The following LPIN1 variants were observed in gnomAD, a reference collection of about 807,000 sequenced individuals.
LPIN1 encodes the protein lipin 1.
Under a neutral mutation model 107.5 loss-of-function variants are expected in LPIN1, and 71 were observed. The observed-to-expected ratio is 0.66, with a 90% CI of 0.55 to 0.80. LPIN1 has a LOEUF of 0.80. LPIN1 is among the 30% of genes least tolerant of loss of function. The pLI, the probability that LPIN1 is intolerant of heterozygous loss-of-function variation, is 0.00. For missense variants in LPIN1, 1,043 were observed against 1,160.6 expected (o/e 0.90, Z 1.47); for synonymous variants, 445 against 452.6 (o/e 0.98, Z 0.21).
intron 1 of LPIN1, among the ~76,000 whole-genome samples, chr2:11,713,190 GAGAC>G (rs1663517748): frequency 6.6e-6 from 1 of 152,246 alleles, no homozygotes; most frequent in Non-Finnish European, 1.5e-5. Context: ...AAGAGTCAGA[GAGAC>G]AGGGAGTTTC....
chr2:11,822,106 C>T (rs1233977228), intron 20 of LPIN1, among the ~76,000 whole-genome samples: 3 of 151,940 alleles, frequency 2.0e-5, no homozygotes, highest in Non-Finnish European at 4.4e-5. Context: ...TTAATAAAGA[C>T]ATGGACCCAA....
Position 11,785,004 on chromosome 2 carries a change from G to A in LPIN1, c.1477G>A (p.Gly493Arg), listed in dbSNP as rs1330768960. The change falls in exon 10 of 21, where the codon GGG (glycine) becomes AGG (arginine). Residue 493 changes from glycine (G) to arginine (R), a missense_variant. Physicochemically the swap from Gly to Arg is moderately radical, Grantham distance 125. Transcript: ENST00000674199. ...CAGTGGCGTGGAGAGCACCTCGGAC[G>A]GGCTGAGGGACCTCCCTTCCATCGC... is the stretch of plus-strand genomic sequence containing the variant. The part of the protein sequence containing the change: ...VDSGVESTSD[G>R]LRDLPSIAIS... 3 of 1,612,122 alleles carry A rather than the reference G, an allele frequency of 1.9e-6. No individual in the cohort carries two copies. The African/African-American group carries it at 4.0e-5, about 22-fold the overall frequency.
chr2:11,750,498 A>C (rs1023871695), intron 1 of LPIN1, among the ~76,000 whole-genome samples: 1 of 152,244 alleles, frequency 6.6e-6, no homozygotes, highest in African/African-American at 2.4e-5. Context: ...TGATATATAC[A>C]AAGTCCCCTC....
Position 11,785,048 on chromosome 2 carries a change from C to T in LPIN1, c.1521C>T (p.Gly507=). ...CCATCGCCATCTCCCTCTGCGGGGG[C>T]CTCAGCGACCACCGGGAGATCACGA... ...LPSIAISLCG[G]LSDHREITKD... The change falls in exon 10 of 21, where the codon GGC becomes GGT. Residue 507 remains glycine, a synonymous_variant. Transcript: ENST00000674199. The T allele has an allele frequency of 6.4e-7, 1 of 1,564,392 alleles. No homozygotes were observed. The highest frequency in any genetic ancestry group is 8.7e-7 in the Non-Finnish European group (1 of 1,154,224).
intron 1 of LPIN1, among the ~76,000 whole-genome samples, chr2:11,693,804 ATATATATATATATATATATTTTTTTTTTT>A (rs1662406137): frequency 4.2e-5 from 1 of 24,074 alleles, no homozygotes; most frequent in African/African-American, 1.0e-4. Context: ...ATATATATAT[ATATATATATATATATATATTTTTTTTTTT>A]TTTTTTTTTT....
intron 1 of LPIN1, among the ~76,000 whole-genome samples, chr2:11,753,154 C>T: frequency 6.6e-6 from 1 of 152,110 alleles, no homozygotes. Flanking sequence ...CTTTGCCACC[C>T]TGGAAGCTCA....
intron 1 of LPIN1, among the ~76,000 whole-genome samples, chr2:11,752,923 C>A (rs554057026): frequency 5.9e-5 from 9 of 152,288 alleles, no homozygotes; most frequent in African/African-American, 1.7e-4. Flanking sequence ...CTAATTTAAT[C>A]GTGAGGCAAG....
At chr2:11,724,450 G>A in exon 1 of LPIN1, 1 of 985,912 alleles carries the variant, frequency 1.0e-6, no homozygotes, top group Non-Finnish European at 1.2e-6. Context: ...GGCCAGCCAT[G>A]CCTGTCCTAA....
chr2:11,717,675 T>C (rs1192002827), intron 2 of LPIN1, among the ~76,000 whole-genome samples: 1 of 152,122 alleles, frequency 6.6e-6, no homozygotes, highest in Non-Finnish European at 1.5e-5. Context: ...GCAAATCTTA[T>C]ATACCACAAA....
In LPIN1 at chr2:11,786,085, A is replaced by C. The variant is rs1475119362; in HGVS notation, c.1550-989A>C. Among the ~76,000 whole-genome samples, 6 of 151,988 alleles carry C rather than the reference A, an allele frequency of 3.9e-5. No individual in the cohort carries two copies. The East Asian group carries it at 1.2e-3, about 29-fold the overall frequency. On this transcript the variant is annotated intron_variant, in intron 10 of 20. Coordinates refer to ENST00000674199, the MANE Select transcript of LPIN1 (RefSeq NM_001349206.2). The surrounding 1 kb of genome is among the most constrained non-coding windows in gnomAD (Gnocchi z 4.1). Reference sequence around the variant, plus strand: ...GTGGGGGTGGGGTGGCAGCACTGACAAGGCTGGGCACCGTTATCTGAGTGT... The same window carrying C: ...GTGGGGGTGGGGTGGCAGCACTGACCAGGCTGGGCACCGTTATCTGAGTGT...
intron 1 of LPIN1, among the ~76,000 whole-genome samples, chr2:11,681,298 G>A (rs1466958534): frequency 6.6e-6 from 1 of 152,188 alleles, no homozygotes; most frequent in East Asian, 1.9e-4. Context: ...AGCTCCTGTT[G>A]AATTATAATC....
rs1343985841 is a variant in LPIN1 at position 11,810,094 on chromosome 2, G to C, written c.2249+4938G>C. Among the ~76,000 whole-genome samples the C allele has an allele frequency of 4.6e-5, 7 of 152,312 alleles. No homozygotes were observed. In the East Asian group the frequency reaches 1.2e-3, roughly 25 times the overall value. ...AACTCAGAGGGAGCCCCTAGACTCTGGTTGCACCAGGAGCTGTCCTAGGTG... is the reference window on the plus strand; with the variant it reads ...AACTCAGAGGGAGCCCCTAGACTCTCGTTGCACCAGGAGCTGTCCTAGGTG... On this transcript the variant is annotated intron_variant, in intron 17 of 20. Coordinates refer to ENST00000674199, the MANE Select transcript of LPIN1 (RefSeq NM_001349206.2).
chr2:11,779,222 A>AT (rs1673144642), intron 6 of LPIN1, among the ~76,000 whole-genome samples: 1 of 152,060 alleles, frequency 6.6e-6, no homozygotes, highest in Admixed American at 6.5e-5. Flanking sequence ...AGAACAGACT[A>AT]TTTTTCCCTT....
At chr2:11,818,768 G>GC (rs1015049464) in intron 18 of LPIN1, 2 of 152,006 alleles carry the variant, frequency 1.3e-5, no homozygotes, top group East Asian at 3.9e-4. Context: ...TTCACTGTAG[G>GC]TTTTTTTAGT....
At chr2:11,723,664 AAG>A (rs1664330621), upstream of LPIN1, 1 of 152,026 alleles carries the variant, frequency 6.6e-6, no homozygotes, top group Non-Finnish European at 1.5e-5. Context: ...CTGAAAAAAA[AAG>A]AGACTGGGAA....
intron 2 of LPIN1, among the ~76,000 whole-genome samples, chr2:11,767,164 C>G (rs906172666): frequency 6.6e-6 from 1 of 152,174 alleles, no homozygotes. Context: ...TTCATGCCCC[C>G]ACCTAATGTG....
intron 1 of LPIN1, among the ~76,000 whole-genome samples, chr2:11,687,828 A>G (rs1348349549): frequency 6.6e-6 from 1 of 152,198 alleles, no homozygotes; most frequent in Non-Finnish European, 1.5e-5. Flanking sequence ...TGTGACATGC[A>G]CTTTTATTAA....
chr2:11,820,664 A>G (rs1681358049), intron 20 of LPIN1, 150 bp downstream of exon 20: 1 of 637,750 alleles, frequency 1.6e-6, no homozygotes, highest in Middle Eastern at 2.6e-4. Flanking sequence ...AACTCCTTGT[A>G]TTTTGTCCAA....
At chr2:11,757,963 T>C (rs1473735395) in intron 1 of LPIN1, among the ~76,000 whole-genome samples, 1 of 152,208 alleles carries the variant, frequency 6.6e-6, no homozygotes, top group Non-Finnish European at 1.5e-5. Flanking sequence ...GTAATCAGTC[T>C]TTCTGTTTCT....
Sources: allele counts gnomAD v4.1 joint callset (sites outside exome capture counted in the v4.1 genomes callset), GRCh38; gene constraint gnomAD v4.1.1; non-coding constraint Gnocchi (gnomAD v3.1); transcripts MANE v1.5; gene names NCBI Gene and HGNC (gene_info 2026-07-23, HGNC 2026-07-21).